The following PIP5K1B variants were observed in gnomAD, a reference collection of about 807,000 sequenced individuals.
PIP5K1B encodes the protein phosphatidylinositol 4-phosphate 5-kinase type-1 beta.
In PIP5K1B, 42 loss-of-function variants were observed where a neutral mutation model predicts 67.0. That is an observed-to-expected ratio of 0.63 (90% CI 0.49 to 0.81). The LOEUF is 0.81. PIP5K1B is among the 30% of genes least tolerant of loss of function. PIP5K1B has a pLI of 0.00. For synonymous variants in PIP5K1B, 214 were observed against 231.4 expected, an observed-to-expected ratio of 0.92 and a Z score of 0.68; for missense variants, 459 against 646.3, an observed-to-expected ratio of 0.71 and a Z score of 3.14.
At chr9:68,859,204 A>G (rs12341486) in intron 4 of PIP5K1B, among the ~76,000 whole-genome samples, 2,099 of 152,352 alleles carry the variant, frequency 0.014, 46 homozygotes, top group African/African-American at 0.048. Context: ...ATCAAATGTG[A>G]TCGTTAAAAG....
At chr9:68,746,802 G>C (rs1829333495) in intron 2 of PIP5K1B, among the ~76,000 whole-genome samples, 1 of 152,158 alleles carries the variant, frequency 6.6e-6, no homozygotes. Flanking sequence ...GGAGTGGAAA[G>C]ACTAGTTCCC....
At chr9:68,710,631 A>T (rs1480921414) in intron 1 of PIP5K1B, among the ~76,000 whole-genome samples, 2 of 152,180 alleles carry the variant, frequency 1.3e-5, no homozygotes, top group Non-Finnish European at 2.9e-5. Flanking sequence ...CCCAAACTAG[A>T]TTACTCTTGG....
At chr9:68,763,466 G>C (rs188615164) in intron 2 of PIP5K1B, among the ~76,000 whole-genome samples, 40 of 152,124 alleles carry the variant, frequency 2.6e-4, no homozygotes, top group African/African-American at 9.4e-4. Context: ...AGCACTCAAC[G>C]AATGTCAGCT....
At chr9:68,945,366 G>A (rs1221573716) in intron 14 of PIP5K1B, among the ~76,000 whole-genome samples, 3 of 151,982 alleles carry the variant, frequency 2.0e-5, no homozygotes, top group African/African-American at 4.8e-5. Context: ...GGCTGGTCTC[G>A]AACTCCTGAC....
intron 1 of PIP5K1B, among the ~76,000 whole-genome samples, chr9:68,734,948 A>G (rs1341297864): frequency 5.9e-5 from 9 of 152,228 alleles, no homozygotes; most frequent in Admixed American, 5.9e-4. Context: ...TGGCTGAGTA[A>G]TTGGGCTAAA....
intron 2 of PIP5K1B, among the ~76,000 whole-genome samples, chr9:68,785,893 T>C (rs1831585747): frequency 6.6e-6 from 1 of 152,260 alleles, no homozygotes; most frequent in Non-Finnish European, 1.5e-5. Context: ...GCTATCCTTT[T>C]ATGAAGCGAT....
intron 1 of PIP5K1B, among the ~76,000 whole-genome samples, chr9:68,736,116 G>A (rs1425111670): frequency 6.6e-6 from 1 of 152,162 alleles, no homozygotes; most frequent in Non-Finnish European, 1.5e-5. Flanking sequence ...GTGGAGTTGG[G>A]CTATAGAGGT....
chr9:68,921,625 C>T (rs982520705), intron 11 of PIP5K1B, among the ~76,000 whole-genome samples: 5 of 151,826 alleles, frequency 3.3e-5, no homozygotes, highest in African/African-American at 1.2e-4. Context: ...CCAAAGCGGG[C>T]GGATCACTTG....
intron 15 of PIP5K1B, among the ~76,000 whole-genome samples, chr9:68,999,549 G>C (rs1338037666): frequency 6.6e-6 from 1 of 152,182 alleles, no homozygotes; most frequent in Non-Finnish European, 1.5e-5. Context: ...AATCCCTGGG[G>C]GTGGACTGAG....
chr9:68,774,116 A>T (rs980130240), intron 2 of PIP5K1B, among the ~76,000 whole-genome samples: 1 of 152,154 alleles, frequency 6.6e-6, no homozygotes, highest in African/African-American at 2.4e-5. Flanking sequence ...AAAAGGCAAT[A>T]AAATGGGCTT....
chr9:68,751,057 C>T (rs1452931412), intron 2 of PIP5K1B, among the ~76,000 whole-genome samples: 2 of 152,106 alleles, frequency 1.3e-5, no homozygotes, highest in African/African-American at 2.4e-5. Context: ...TTTATAGAAA[C>T]GGTTCAGGGA....
chr9:68,774,593 G>T (rs1018787746), intron 2 of PIP5K1B, among the ~76,000 whole-genome samples: 2 of 152,102 alleles, frequency 1.3e-5, no homozygotes, highest in Non-Finnish European at 2.9e-5. Flanking sequence ...TTCCATATGT[G>T]TACACCCATG....
chr9:68,852,503 C>T (rs1035064500), intron 4 of PIP5K1B, among the ~76,000 whole-genome samples: 6 of 152,150 alleles, frequency 3.9e-5, no homozygotes, highest in Admixed American at 2.0e-4. Context: ...TGGAAGTAAA[C>T]ACTTTGACCT....
chr9:68,757,146 T>A (rs953374318), intron 2 of PIP5K1B, among the ~76,000 whole-genome samples: 16 of 152,178 alleles, frequency 1.1e-4, no homozygotes, highest in Admixed American at 2.6e-4. Context: ...ATCAATTTTT[T>A]AAAAACTTTA....
intron 12 of PIP5K1B, among the ~76,000 whole-genome samples, chr9:68,929,532 C>G (rs1826886947): frequency 6.6e-6 from 1 of 152,174 alleles, no homozygotes; most frequent in Non-Finnish European, 1.5e-5. Context: ...CTTGCTGTCT[C>G]ACTTTTTTTA....
At chr9:68,880,281 G>A (rs763795378) in intron 6 of PIP5K1B, among the ~76,000 whole-genome samples, 4 of 152,260 alleles carry the variant, frequency 2.6e-5, no homozygotes, top group Admixed American at 6.5e-5. Flanking sequence ...GGCCAACTGT[G>A]GTGGCTCACG....
intron 13 of PIP5K1B, among the ~76,000 whole-genome samples, chr9:68,940,334 C>G (rs907318664): frequency 3.9e-5 from 6 of 152,188 alleles, no homozygotes; most frequent in Non-Finnish European, 8.8e-5. Context: ...TCTGCTTTAA[C>G]TCCTATGAGT....
intron 8 of PIP5K1B, among the ~76,000 whole-genome samples, chr9:68,914,349 T>A (rs966072223): frequency 3.3e-5 from 5 of 152,200 alleles, no homozygotes; most frequent in African/African-American, 1.2e-4. Flanking sequence ...TCTTAGGACC[T>A]GCTTTTGAAG....
At chr9:68,711,609 C>T (rs574450137) in intron 1 of PIP5K1B, among the ~76,000 whole-genome samples, 53 of 152,216 alleles carry the variant, frequency 3.5e-4, no homozygotes, top group African/African-American at 6.0e-4. Context: ...TATTATTTTT[C>T]GAACCATTTT....
Sources: allele counts gnomAD v4.1 joint callset (sites outside exome capture counted in the v4.1 genomes callset), GRCh38; gene constraint gnomAD v4.1.1; transcripts MANE v1.5; gene names NCBI Gene and HGNC (gene_info 2026-07-23, HGNC 2026-07-21).